The following DAPK1 variants were observed in gnomAD, a reference collection of about 807,000 sequenced individuals.
DAPK1 encodes death associated protein kinase 1, also known as death-associated protein kinase 1.
A neutral mutation model predicts 144.9 loss-of-function variants in DAPK1; 56 were observed. The observed-to-expected ratio is 0.39, with a 90% CI of 0.31 to 0.48. The LOEUF is 0.48. Among genes scored for constraint, DAPK1 ranks in the 20% least tolerant of loss-of-function variants. The pLI is 0.95. For synonymous variants in DAPK1, 690 were observed against 749.0 expected, an observed-to-expected ratio of 0.92 and a Z score of 1.29; for missense variants, 1,454 against 1,875.4, an observed-to-expected ratio of 0.78 and a Z score of 4.15.
chr9:87,499,571 T>C (rs36228326), intron 2 of DAPK1, among the ~76,000 whole-genome samples: 144 of 152,348 alleles, frequency 9.5e-4, no homozygotes, highest in African/African-American at 3.4e-3. Flanking sequence ...ATTTTCAGTG[T>C]AATTTGAGCA....
intron 21 of DAPK1, among the ~76,000 whole-genome samples, chr9:87,693,529 A>G (rs1178229984): frequency 6.6e-6 from 1 of 151,978 alleles, no homozygotes; most frequent in Non-Finnish European, 1.5e-5. Context: ...GTTTAATGTC[A>G]TGATTCTGAG....
chr9:87,688,560 G>T (rs1375727229), intron 21 of DAPK1, among the ~76,000 whole-genome samples: 1 of 152,066 alleles, frequency 6.6e-6, no homozygotes, highest in Non-Finnish European at 1.5e-5. Context: ...CAACGTATAG[G>T]TGTTCTCTTT....
chr9:87,634,707 C>G (rs1355061437), intron 3 of DAPK1, among the ~76,000 whole-genome samples: 1 of 152,172 alleles, frequency 6.6e-6, no homozygotes, highest in African/African-American at 2.4e-5. Flanking sequence ...GGTGGCTGCT[C>G]GGCAGTGCCG....
At chr9:87,624,008 C>G (rs1452260692) in intron 3 of DAPK1, among the ~76,000 whole-genome samples, 1 of 152,172 alleles carries the variant, frequency 6.6e-6, no homozygotes, top group East Asian at 1.9e-4. Context: ...CTCACAAAAG[C>G]TCAAGGAGGC....
intron 2 of DAPK1, among the ~76,000 whole-genome samples, chr9:87,576,307 T>C (rs1007782408): frequency 3.9e-5 from 6 of 152,246 alleles, no homozygotes; most frequent in Admixed American, 6.5e-5. Context: ...TCTGTGCTAA[T>C]AATTATAAGA....
chr9:87,639,772 T>C lies in DAPK1; in HGVS notation c.603-17T>C. On this transcript the variant is annotated splice_polypyrimidine_tract_variant and intron_variant, in intron 6 of 25. Coordinates refer to ENST00000408954, the MANE Select transcript of DAPK1 (RefSeq NM_004938.4). ...TTCTTCTGACATGTTTTTTTGTTTG[T>C]TTTGTGTTGTTTTTAGGAGTATCGG... 6.2e-7 allele frequency: 1 copy of C among 1,613,782 alleles called. No individual in the cohort carries two copies. Among genetic ancestry groups the C allele is most frequent in the Non-Finnish European group, 8.5e-7 (1 of 1,179,670 alleles).
intron 2 of DAPK1, among the ~76,000 whole-genome samples, chr9:87,600,241 C>T (rs1299711387): frequency 6.6e-6 from 1 of 152,224 alleles, no homozygotes. Flanking sequence ...ACGATCCGTG[C>T]ATGTCCACAA....
chr9:87,568,227 C>T (rs1049401247), intron 2 of DAPK1, among the ~76,000 whole-genome samples: 3 of 152,256 alleles, frequency 2.0e-5, no homozygotes, highest in African/African-American at 7.2e-5. Context: ...TGGGCGCTGA[C>T]TGCCTGCAGG....
rs890414501 is a variant in DAPK1, at chr9:87,698,582, C to T, written c.2612-74C>T. On this transcript the variant is annotated intron_variant, in intron 22 of 25. Transcript: ENST00000408954. ...CGGCCTGGGCATGAGGCCAACACACCGCCCTCACCTGGGCAGGAGAGGCAG... is the reference window on the plus strand; with the variant it reads ...CGGCCTGGGCATGAGGCCAACACACTGCCCTCACCTGGGCAGGAGAGGCAG... 52 of 898,278 alleles carry T rather than the reference C, an allele frequency of 5.8e-5. 1 individual carries two copies. The highest frequency in any genetic ancestry group is 3.3e-4 in the African/African-American group (20 of 61,110). 55.6% of individuals were successfully genotyped at this position (898,278 alleles called of 1,614,324 possible). A position where few individuals can be genotyped will look rare whatever the true frequency, so the allele number is the denominator to read the frequency against.
At position 87,604,940 on chromosome 9, in the gene DAPK1, T is replaced by C. The variant is rs760836072; in HGVS notation, c.63-14T>C. ...TTTATGAACGATAAAGAATCCTCCA[T>C]CTTCTCTTTTCAGTGGACAGTTTGC... is the stretch of plus-strand genomic sequence containing the variant. On this transcript the variant is annotated splice_polypyrimidine_tract_variant and intron_variant, in intron 2 of 25. Coordinates refer to ENST00000408954, the MANE Select transcript of DAPK1 (RefSeq NM_004938.4). The C allele has an allele frequency of 6.2e-7, 1 of 1,610,990 alleles. No individual in the cohort carries two copies. Among genetic ancestry groups the C allele is most frequent in the Non-Finnish European group, 8.5e-7 (1 of 1,177,356 alleles).
At chr9:87,534,143 C>T (rs1247877893) in intron 2 of DAPK1, among the ~76,000 whole-genome samples, 2 of 150,176 alleles carry the variant, frequency 1.3e-5, no homozygotes, top group Non-Finnish European at 3.0e-5. Flanking sequence ...GCCATGAATT[C>T]TTAGGAAAAA....
At chr9:87,516,327 CG>C (rs747920587) in intron 2 of DAPK1, among the ~76,000 whole-genome samples, 5 of 152,140 alleles carry the variant, frequency 3.3e-5, no homozygotes, top group Non-Finnish European at 7.4e-5. Flanking sequence ...TAGGCCATAT[CG>C]GGTTCTCCCA....
chr9:87,512,285 A>AT (rs35543817), intron 2 of DAPK1, among the ~76,000 whole-genome samples: 38 of 149,892 alleles, frequency 2.5e-4, no homozygotes, highest in South Asian at 4.2e-4. Context: ...CAAATAATTG[A>AT]TTTTTTTTTT....
intron 19 of DAPK1, among the ~76,000 whole-genome samples, chr9:87,674,903 GC>G (rs1370915462): frequency 6.6e-6 from 1 of 152,188 alleles, no homozygotes; most frequent in Non-Finnish European, 1.5e-5. Context: ...GCTTCAAAGA[GC>G]AACACAGTTA....
At chr9:87,624,873 G>T (rs1266121001) in intron 3 of DAPK1, among the ~76,000 whole-genome samples, 1 of 152,184 alleles carries the variant, frequency 6.6e-6, no homozygotes, top group Admixed American at 6.5e-5. Flanking sequence ...GGCTTGAGAA[G>T]AAAACACCCA....
chr9:87,528,578 C>T (rs538191830), intron 2 of DAPK1, among the ~76,000 whole-genome samples: 1 of 152,234 alleles, frequency 6.6e-6, no homozygotes, highest in East Asian at 1.9e-4. Flanking sequence ...AGCCACAAAG[C>T]TAACTTTCAT....
intron 11 of DAPK1, among the ~76,000 whole-genome samples, chr9:87,645,671 G>A (rs1404387478): frequency 6.6e-6 from 1 of 152,194 alleles, no homozygotes. Flanking sequence ...TATACTGCAG[G>A]TGATATTAAA....
chr9:87,702,921 C>T (rs1231807942), intron 24 of DAPK1, 108 bp from the exon 25 acceptor site: 2 of 644,736 alleles, frequency 3.1e-6, no homozygotes, highest in Non-Finnish European at 5.7e-6. Context: ...ACTCGTTCAT[C>T]AAATCACCTG....
intron 19 of DAPK1, 101 bp downstream of exon 19, chr9:87,668,775 A>T (rs1320230451): frequency 1.2e-6 from 1 of 804,156 alleles, no homozygotes; most frequent in East Asian, 2.4e-5. Context: ...GAGGCTCTAG[A>T]CAGCCAGGTT....
Sources: allele counts gnomAD v4.1 joint callset (sites outside exome capture counted in the v4.1 genomes callset), GRCh38; gene constraint gnomAD v4.1.1; transcripts MANE v1.5; gene names NCBI Gene and HGNC (gene_info 2026-07-23, HGNC 2026-07-21).